The following NUP107 variants were observed in gnomAD, a reference collection of about 807,000 sequenced individuals.
NUP107 encodes nucleoporin 107.
A neutral mutation model predicts 141.0 loss-of-function variants in NUP107; 101 were observed. The observed-to-expected ratio is 0.72, with a 90% CI of 0.61 to 0.84. The LOEUF is 0.84. NUP107 is among the 40% of genes least tolerant of loss of function. The probability of loss-of-function intolerance (pLI) is 0.00; values close to 1 mark genes in which losing one functional copy is unlikely to be tolerated. For missense variants in NUP107, 941 were observed against 1,102.7 expected (o/e 0.85, Z 2.08); for synonymous variants, 319 against 363.9 (o/e 0.88, Z 1.41).
Position 68,722,207 on chromosome 12 carries a change from A to G in NUP107, c.1506+55A>G, listed in dbSNP as rs1266783783. ...CTGGAATAGGAAACAGTGTTATTCTATTGTGCACTGTAGCTGAAAGGAAAA... is the reference window on the plus strand; with the variant it reads ...CTGGAATAGGAAACAGTGTTATTCTGTTGTGCACTGTAGCTGAAAGGAAAA... On this transcript the variant is annotated intron_variant, in intron 17 of 27. Transcript: ENST00000229179. The G allele has an allele frequency of 4.9e-6, 7 of 1,431,074 alleles. No individual in the cohort carries two copies. The African/African-American group carries it at 5.7e-5, about 12-fold the overall frequency. 88.6% of individuals were successfully genotyped at this position (1,431,074 alleles called of 1,614,324 possible). A position where few individuals can be genotyped will look rare whatever the true frequency, so the allele number is the denominator to read the frequency against.
intron 5 of NUP107, 112 bp downstream of exon 5, chr12:68,692,224 C>A (rs1875834124): frequency 8.7e-7 from 1 of 1,153,888 alleles, no homozygotes; most frequent in Non-Finnish European, 1.2e-6. Flanking sequence ...TTCTTTCTGT[C>A]TTTTTTTCTT....
chr12:68,709,184 C>T (rs1343630279), intron 8 of NUP107, 54 bp from the exon 9 acceptor site: 1 of 1,160,538 alleles, frequency 8.6e-7, no homozygotes, highest in Non-Finnish European at 1.3e-6. Flanking sequence ...AATAATATTT[C>T]TTAACAGCAT....
intron 5 of NUP107, among the ~76,000 whole-genome samples, chr12:68,695,243 A>G (rs1216175949): frequency 6.6e-6 from 1 of 152,236 alleles, no homozygotes. Context: ...TAGAATTACC[A>G]TATGATCCAG....
At chr12:68,706,122 T>C (rs1315703879) in intron 8 of NUP107, 53 of 767,032 alleles carry the variant, frequency 6.9e-5, no homozygotes, top group Non-Finnish European at 4.8e-6. Context: ...AAGCTGGAGG[T>C]GGAACTTGAT....
intron 7 of NUP107, among the ~76,000 whole-genome samples, chr12:68,702,451 G>A (rs1457919531): frequency 2.6e-5 from 4 of 151,604 alleles, no homozygotes; most frequent in African/African-American, 7.3e-5. Context: ...TAGTAGAGAC[G>A]GGGTTTCACT....
intron 12 of NUP107, among the ~76,000 whole-genome samples, chr12:68,716,245 C>CTTTTTTT (rs71436075): frequency 2.6e-5 from 3 of 116,254 alleles, no homozygotes; most frequent in Non-Finnish European, 5.0e-5. Flanking sequence ...TTCTTTCTTT[C>CTTTTTTT]TTTTTTTTTT....
chr12:68,730,931 G>C (rs1192504550), intron 20 of NUP107, among the ~76,000 whole-genome samples, 179 bp from the exon 21 acceptor site: 6 of 152,186 alleles, frequency 3.9e-5, no homozygotes, highest in African/African-American at 1.4e-4. Context: ...TCATGCCACT[G>C]TACCCTAACC....
chr12:68,721,995 G>C lies in NUP107; in HGVS notation c.1457+9G>C. The C allele has an allele frequency of 1.9e-6, 3 of 1,613,248 alleles. No individual in the cohort carries two copies. The highest frequency in any genetic ancestry group is 2.5e-6 in the Non-Finnish European group (3 of 1,179,670). On this transcript the variant is annotated intron_variant, in intron 16 of 27. Transcript: ENST00000229179. Reference sequence around the variant, plus strand: ...GAATATCTGGGAGCAAAGTGAGTTTGTTGGATTGTTTTGAGTCATGGTGAT... The same window carrying C: ...GAATATCTGGGAGCAAAGTGAGTTTCTTGGATTGTTTTGAGTCATGGTGAT...
rs1877576485 is a variant in NUP107, at chr12:68,726,611, G to A, written c.1689G>A (p.Gln563=). 6.3e-7 allele frequency: 1 copy of A among 1,588,078 alleles called. No homozygotes were observed. The highest frequency in any genetic ancestry group is 8.6e-7 in the Non-Finnish European group (1 of 1,156,726). Residue 563 remains glutamine, a synonymous_variant, in exon 19 of 28, where the codon CAG becomes CAA. Transcript: ENST00000229179. ...LILFFRTLGL[Q]TKEEVSIEVL... Reference sequence around the variant, plus strand: ...TGTTTTTCCGTACTCTGGGACTACAGACCAAGGTATATAAAAATGAACGAT... The same window carrying A: ...TGTTTTTCCGTACTCTGGGACTACAAACCAAGGTATATAAAAATGAACGAT...
At chr12:68,708,681 G>A (rs865801113) in intron 8 of NUP107, among the ~76,000 whole-genome samples, 2 of 151,620 alleles carry the variant, frequency 1.3e-5, no homozygotes, top group African/African-American at 2.4e-5. Flanking sequence ...GTGCAGTGGC[G>A]TGATCTCAGC....
rs746226569 is a variant in NUP107 at position 68,719,580 on chromosome 12, A to C, written c.1177A>C (p.Thr393Pro). The C allele has an allele frequency of 2.5e-6, 4 of 1,609,898 alleles. No homozygotes were observed. The South Asian group carries it at 3.3e-5, about 13-fold the overall frequency. Reference sequence around the variant, plus strand: ...AATTTTCTTTTGCTATTTTATAGGAACAGAATTAGAACCTGTTGAAGGGAA... The same window carrying C: ...AATTTTCTTTTGCTATTTTATAGGACCAGAATTAGAACCTGTTGAAGGGAA... ...LYHDPNVNGG[T>P]ELEPVEGNPY... Residue 393 changes from threonine (T) to proline (P), a missense_variant and splice_region_variant, in exon 14 of 28, where the codon ACA becomes CCA. Physicochemically the swap from Thr to Pro is conservative, Grantham distance 38. Coordinates refer to ENST00000229179, the MANE Select transcript of NUP107 (RefSeq NM_020401.4).
At chr12:68,739,051 T>G (rs926590531) in intron 26 of NUP107, among the ~76,000 whole-genome samples, 48 of 152,126 alleles carry the variant, frequency 3.2e-4, no homozygotes, top group African/African-American at 1.1e-3. Flanking sequence ...TCTTCATTGG[T>G]TCCCCTCTGC....
At chr12:68,728,325 C>T (rs1395670624) in intron 20 of NUP107, among the ~76,000 whole-genome samples, 1 of 148,644 alleles carries the variant, frequency 6.7e-6, no homozygotes, top group South Asian at 2.1e-4. Context: ...GACGTGGTGG[C>T]TTGCGCCTGT....
In NUP107 at chr12:68,744,061, T is replaced by G. The variant is rs548241491; in HGVS notation, c.*1599T>G. 1.1e-3 allele frequency: 163 copies of G among 152,332 alleles called. No individual in the cohort carries two copies. Among genetic ancestry groups the G allele is most frequent in the African/African-American group, 3.7e-3 (153 of 41,580 alleles). The allele number at this position is 152,332 out of a possible 1,614,324, so 9.4% of individuals were successfully genotyped here. ...TGCAACAAACTGTATATATAGAAACTTTGTACAACCCAGGGTGACTATTTC... is the reference window on the plus strand; with the variant it reads ...TGCAACAAACTGTATATATAGAAACGTTGTACAACCCAGGGTGACTATTTC... On this transcript the variant is annotated 3_prime_UTR_variant, in exon 28 of 28. Coordinates refer to ENST00000229179, the MANE Select transcript of NUP107 (RefSeq NM_020401.4).
At chr12:68,692,243 A>G in intron 5 of NUP107, 131 bp downstream of exon 5, 1 of 944,822 alleles carries the variant, frequency 1.1e-6, no homozygotes, top group East Asian at 2.7e-5. Context: ...TTGAGAGAGT[A>G]GCTTAAACAA....
rs746816869 is a variant in NUP107, at chr12:68,721,184, A to G, written c.1311+7A>G. ...AAGTGGGAATCTTAAGCAGGTATGCAATCTGTTTTAATGTTTAAATTTTTT... is the reference window on the plus strand; with the variant it reads ...AAGTGGGAATCTTAAGCAGGTATGCGATCTGTTTTAATGTTTAAATTTTTT... On this transcript the variant is annotated splice_region_variant and intron_variant, in intron 15 of 27. Coordinates refer to ENST00000229179, the MANE Select transcript of NUP107 (RefSeq NM_020401.4). 2.5e-6 allele frequency: 4 copies of G among 1,589,936 alleles called. No individual in the cohort carries two copies. In the Admixed American group the frequency reaches 5.1e-5, roughly 20 times the overall value.
chr12:68,687,355 G>A, intron 1 of NUP107: 1 of 819,112 alleles, frequency 1.2e-6, no homozygotes, highest in Non-Finnish European at 1.7e-6. Context: ...TGGGGTGGGC[G>A]GGGTAGGTAG....
chr12:68,701,801 T>C (rs1018573617), intron 7 of NUP107, among the ~76,000 whole-genome samples: 2 of 152,172 alleles, frequency 1.3e-5, no homozygotes, highest in African/African-American at 2.4e-5. Flanking sequence ...ATATAAATGA[T>C]GTCCCCTCTG....
chr12:68,692,221 T>C, intron 5 of NUP107, 109 bp downstream of exon 5: 1 of 1,187,726 alleles, frequency 8.4e-7, no homozygotes, highest in Non-Finnish European at 1.2e-6. Flanking sequence ...TCTTTCTTTC[T>C]GTCTTTTTTT....
Sources: allele counts gnomAD v4.1 joint callset (sites outside exome capture counted in the v4.1 genomes callset), GRCh38; gene constraint gnomAD v4.1.1; transcripts MANE v1.5; gene names NCBI Gene and HGNC (gene_info 2026-07-23, HGNC 2026-07-21).